Variants in ANOS1 observed in about 807,000 individuals in gnomAD.
ANOS1 encodes the protein anosmin-1.
Under a neutral mutation model 59.0 loss-of-function variants are expected in ANOS1, and 6 were observed. The ratio of observed to expected loss-of-function variants is 0.10; its 90% CI spans 0.06 to 0.20. The LOEUF (loss-of-function observed/expected upper bound fraction) is 0.20, where lower values mean the gene tolerates loss of function less well. ANOS1 is among the 10% of genes least tolerant of loss of function. The pLI is 1.00. For missense variants in ANOS1, 433 were observed against 542.3 expected (o/e 0.80, Z 2.00); for synonymous variants, 217 against 223.4 (o/e 0.97, Z 0.25).
chrX:8,678,926 T>C (rs1932377698), intron 2 of ANOS1, among the ~76,000 whole-genome samples: 1 of 111,683 alleles, frequency 9.0e-6, no homozygotes, highest in Non-Finnish European at 1.9e-5. Flanking sequence ...ACCCAAACAC[T>C]GGAGCAGATG....
intron 2 of ANOS1, among the ~76,000 whole-genome samples, chrX:8,679,705 C>G (rs1406356988): frequency 9.0e-6 from 1 of 110,598 alleles, no homozygotes; most frequent in African/African-American, 3.3e-5. Flanking sequence ...TGAAAAAGTT[C>G]CGGAGATCTG....
intron 2 of ANOS1, among the ~76,000 whole-genome samples, chrX:8,666,951 C>G (rs1209994331): frequency 5.4e-5 from 6 of 112,036 alleles, no homozygotes; most frequent in Non-Finnish European, 1.1e-4. Context: ...CACCAAGTAT[C>G]AGCAGTAGGA....
intron 2 of ANOS1, among the ~76,000 whole-genome samples, chrX:8,654,886 T>C (rs1170779242): frequency 8.9e-6 from 1 of 112,471 alleles, no homozygotes; most frequent in Non-Finnish European, 1.9e-5. Context: ...CTGATAATTA[T>C]ATGAAAATCA....
At chrX:8,679,782 G>A (rs748093541) in intron 2 of ANOS1, among the ~76,000 whole-genome samples, 1 of 111,348 alleles carries the variant, frequency 9.0e-6, no homozygotes, top group Non-Finnish European at 1.9e-5. Flanking sequence ...CTCACGCTGG[G>A]CGCGGTGGCT....
intron 3 of ANOS1, among the ~76,000 whole-genome samples, chrX:8,610,006 C>CAAAAAAAAAAAAAAAAAAAAAAAAAA (rs1167209336): frequency 1.1e-4 from 1 of 9,163 alleles, no homozygotes; most frequent in African/African-American, 2.2e-4. Context: ...GACTCCATCT[C>CAAAAAAAAAAAAAAAAAAAAAAAAAA]AAAAAAAAAA....
intron 2 of ANOS1, among the ~76,000 whole-genome samples, chrX:8,658,552 T>C (rs956060769): frequency 8.9e-6 from 1 of 112,421 alleles, no homozygotes; most frequent in Non-Finnish European, 1.9e-5. Flanking sequence ...GATGAATTCA[T>C]TCTGGGACTG....
intron 6 of ANOS1, 40 bp downstream of exon 6, chrX:8,585,227 A>C (rs1322044081): frequency 8.4e-7 from 1 of 1,188,950 alleles, no homozygotes; most frequent in East Asian, 3.0e-5. Context: ...CCTGGTAGCA[A>C]GGATAGTATT....
intron 2 of ANOS1, among the ~76,000 whole-genome samples, chrX:8,648,187 G>A (rs762709020): frequency 2.7e-5 from 3 of 111,819 alleles, no homozygotes; most frequent in Non-Finnish European, 3.8e-5. Context: ...TTGGCCAGGC[G>A]TAGTTGCTCA....
intron 3 of ANOS1, among the ~76,000 whole-genome samples, chrX:8,607,310 T>G (rs1239034304): frequency 8.9e-6 from 1 of 111,958 alleles, no homozygotes; most frequent in Non-Finnish European, 1.9e-5. Flanking sequence ...TTCTTAGATG[T>G]GATTGCAATT....
intron 1 of ANOS1, among the ~76,000 whole-genome samples, chrX:8,705,473 T>C (rs1932775148): frequency 9.0e-6 from 1 of 111,548 alleles, no homozygotes; most frequent in African/African-American, 3.3e-5. Flanking sequence ...CTTTTACCTG[T>C]ATCAGTCATC....
intron 9 of ANOS1, among the ~76,000 whole-genome samples, chrX:8,543,238 A>G (rs1929715118): frequency 9.0e-6 from 1 of 110,789 alleles, no homozygotes; most frequent in Non-Finnish European, 1.9e-5. Context: ...ATAATCTAAG[A>G]CACGGAAGAA....
At chrX:8,580,221 T>A (rs1286279055) in intron 6 of ANOS1, among the ~76,000 whole-genome samples, 1 of 112,267 alleles carries the variant, frequency 8.9e-6, no homozygotes, top group Admixed American at 9.4e-5. Flanking sequence ...ACATTCTAAA[T>A]AAAGAGACAA....
In ANOS1 at chrX:8,529,971, G is replaced by A. The variant is rs1178063679; in HGVS notation, c.*3024C>T. Reference sequence around the variant, plus strand: ...TGAACCTCTGTATACAGTCGGCTATGTATCTAAGGTTTTCAGGACACAGAT... The same window carrying A: ...TGAACCTCTGTATACAGTCGGCTATATATCTAAGGTTTTCAGGACACAGAT... On this transcript the variant is annotated 3_prime_UTR_variant, in exon 14 of 14. Coordinates refer to ENST00000262648, the MANE Select transcript of ANOS1 (RefSeq NM_000216.4). The A allele has an allele frequency of 1.8e-5, 2 of 111,815 alleles. No homozygotes were observed. Among genetic ancestry groups the A allele is most frequent in the Non-Finnish European group, 3.8e-5 (2 of 53,224 alleles). The allele number at this position is 111,815 out of a possible 1,213,427, so 9.2% of individuals were successfully genotyped here. A position where few individuals can be genotyped will look rare whatever the true frequency, so the allele number is the denominator to read the frequency against.
intron 4 of ANOS1, among the ~76,000 whole-genome samples, chrX:8,590,780 A>T (rs1196390723): frequency 1.8e-5 from 2 of 112,254 alleles, no homozygotes; most frequent in African/African-American, 6.5e-5. Context: ...CTAGTGCAAC[A>T]TTTATGCAAA....
chrX:8,646,637 AAAG>A (rs1471263858), intron 2 of ANOS1, among the ~76,000 whole-genome samples: 6 of 110,923 alleles, frequency 5.4e-5, no homozygotes, highest in South Asian at 3.9e-4. Context: ...TCCTGTTTCA[AAAG>A]AAGATTTCTG....
At chrX:8,614,156 C>T (rs753374771) in intron 3 of ANOS1, among the ~76,000 whole-genome samples, 1 of 111,480 alleles carries the variant, frequency 9.0e-6, no homozygotes, top group Non-Finnish European at 1.9e-5. Flanking sequence ...TTCCTTACTC[C>T]AGAGATCAAG....
intron 1 of ANOS1, among the ~76,000 whole-genome samples, chrX:8,724,371 G>T (rs1932896215): frequency 8.9e-6 from 1 of 112,209 alleles, no homozygotes; most frequent in Admixed American, 9.4e-5. Context: ...CTCAGTAGAA[G>T]AGGGAAGAGA....
rs1931693643 is a variant in ANOS1 at position 8,643,142 on chromosome X, A to G, written c.256-19472T>C. Among the ~76,000 whole-genome samples, 3 of 111,671 alleles carry G rather than the reference A, an allele frequency of 2.7e-5. No homozygotes were observed. The South Asian group carries it at 1.1e-3, about 42-fold the overall frequency. On this transcript the variant is annotated intron_variant, in intron 2 of 13. Coordinates refer to ENST00000262648, the MANE Select transcript of ANOS1 (RefSeq NM_000216.4). ...CTAGAGGAAAATGACCACTTGAAAA[A>G]TTAAAAACTTAGAGACATATCAATG...
chrX:8,557,185 A>G (rs1199022311), intron 8 of ANOS1, among the ~76,000 whole-genome samples: 1 of 112,493 alleles, frequency 8.9e-6, no homozygotes, highest in Non-Finnish European at 1.9e-5. Context: ...AAGATGGATT[A>G]AAGATTTAAA....
Sources: gnomAD v4.1 joint callset for allele counts (sites outside exome capture counted in the v4.1 genomes callset) on GRCh38, gnomAD v4.1.1 for gene constraint, MANE v1.5 for transcripts, NCBI Gene and HGNC (gene_info 2026-07-23, HGNC 2026-07-21) for gene names.